Variants in CPT1B observed in about 807,000 individuals in gnomAD.
The protein encoded by CPT1B is carnitine palmitoyltransferase 1B.
Under a neutral mutation model 92.7 loss-of-function variants are expected in CPT1B, and 57 were observed. That is an observed-to-expected ratio of 0.62 (90% confidence interval 0.50 to 0.77). The LOEUF (loss-of-function observed/expected upper bound fraction) is 0.77, where lower values mean the gene tolerates loss of function less well. Ranked by LOEUF, CPT1B falls within the 30% of genes least tolerant of loss-of-function variation. The pLI, the probability that CPT1B is intolerant of heterozygous loss-of-function variation, is 0.00. For missense variants in CPT1B, 983 were observed against 1,017.4 expected (o/e 0.97, Z 0.46); for synonymous variants, 398 against 383.5 (o/e 1.04, Z -0.44).
At position 50,570,338 on chromosome 22, in the gene CPT1B, TG is replaced by T; in HGVS notation, c.2096del (p.Pro699GlnfsTer17). The T allele has an allele frequency of 6.2e-7, 1 of 1,607,968 alleles. No individual in the cohort carries two copies. ...IPQSQIRMFD[P>X]EQHPNHLGAG... ...CGCCCAGGTGATTGGGGTGCTGCTC[TG>T]GGTCGAACATGCGGATCTGGGATTG... On this transcript the variant is annotated frameshift_variant, in exon 17 of 20. Coordinates refer to ENST00000312108, the MANE Select transcript of CPT1B (RefSeq NM_152246.3). LOFTEE classifies it high-confidence loss of function.
Position 50,571,357 on chromosome 22 carries a change from G to A in CPT1B, c.1740+18C>T, listed in dbSNP as rs769961489. On this transcript the variant is annotated intron_variant, in intron 14 of 19. Coordinates refer to ENST00000312108, the MANE Select transcript of CPT1B (RefSeq NM_152246.3). ...GGTACCACCCTGCCCTCTCAGCAGC[G>A]GGAGGCGGGGCTCCTACCCGGAAGT... The A allele has an allele frequency of 7.4e-5, 119 of 1,613,672 alleles. No homozygotes were observed. The highest frequency in any genetic ancestry group is 1.6e-4 in the African/African-American group (12 of 74,944).
In CPT1B at chr22:50,574,533, A is replaced by G. The variant is rs1003036601; in HGVS notation, c.845T>C (p.Ile282Thr). Reference protein sequence around the residue: ...ARLGNIIHAMIMYRRKLDREE... With the variant: ...ARLGNIIHAMTMYRRKLDREE... The stretch of plus-strand genomic sequence containing the variant: ...ACGGTCCAGTTTACGGCGATACATG[A>G]TCATGGCGTGGATGATGTTTCCCAG... Residue 282 changes from isoleucine (I) to threonine (T), a missense_variant, in exon 8 of 20, where the codon ATC becomes ACC. Coordinates refer to ENST00000312108, the MANE Select transcript of CPT1B (RefSeq NM_152246.3). The G allele has an allele frequency of 6.2e-7, 1 of 1,614,110 alleles. No individual in the cohort carries two copies. Among genetic ancestry groups the G allele is most frequent in the South Asian group, 1.1e-5 (1 of 91,082 alleles).
chr22:50,574,559 G>A lies in CPT1B; in HGVS notation c.819C>T (p.Arg273=). Residue 273 remains arginine (R), a synonymous_variant, in exon 8 of 20, where the codon CGC becomes CGT. Transcript: ENST00000312108. ...TCATGGCGTGGATGATGTTTCCCAG[G>A]CGGGCTGCCTGCACGTCTGTATTCT... ...LIKNTDVQAA[R]LGNIIHAMIM... is the part of the protein sequence containing the mutation. 3.1e-6 allele frequency: 5 copies of A among 1,614,084 alleles called. No individual in the cohort carries two copies. In the South Asian group the frequency reaches 3.3e-5, roughly 11 times the overall value.
At position 50,572,734 on chromosome 22, in the gene CPT1B, C is replaced by T. The variant is rs915533360; in HGVS notation, c.1352+141G>A. On this transcript the variant is annotated intron_variant, in intron 11 of 19. Coordinates refer to ENST00000312108, the MANE Select transcript of CPT1B (RefSeq NM_152246.3). The stretch of plus-strand genomic sequence containing the variant: ...TCCTGCACTCAAGTGATCCACCTGC[C>T]TTGGCCCCCAAAGTGCTAGGATCAC... 4.5e-6 allele frequency: 4 copies of T among 897,556 alleles called. No homozygotes were observed. The African/African-American group carries it at 5.0e-5, about 11-fold the overall frequency. The allele number at this position is 897,556 out of a possible 1,614,324, so 55.6% of individuals were successfully genotyped here.
At position 50,572,002 on chromosome 22, in the gene CPT1B, C is replaced by T. The variant is rs747516863; in HGVS notation, c.1575+4G>A. 1 of 1,612,868 alleles carries T rather than the reference C, an allele frequency of 6.2e-7. No individual in the cohort carries two copies. The highest frequency in any genetic ancestry group is 1.1e-5 in the South Asian group (1 of 91,042). ...CACACCTGCTCTGGGAGCTTCCAACCCACCTGTTTTGGAATGTCCCACTGC... is the reference window on the plus strand; with the variant it reads ...CACACCTGCTCTGGGAGCTTCCAACTCACCTGTTTTGGAATGTCCCACTGC... On this transcript the variant is annotated splice_donor_region_variant and intron_variant, in intron 13 of 19. Transcript: ENST00000312108.
chr22:50,576,067 G>A lies in CPT1B; in HGVS notation c.745C>T (p.Pro249Ser), dbSNP rs1429655212. The part of the protein sequence containing the change: ...EEYIYLRGRS[P>S]LMVNSNYYVM... ...TAATAGTTGCTGTTCACCATGAGAG[G>A]GCTCCTGCCTCGAAGGTAGATGTAC... is the stretch of plus-strand genomic sequence containing the variant. The change falls in exon 7 of 20, where the codon CCT becomes TCT. Residue 249 changes from proline to serine, a missense_variant. Physicochemically the swap from Pro to Ser is moderately conservative, Grantham distance 74. Coordinates refer to ENST00000312108, the MANE Select transcript of CPT1B (RefSeq NM_152246.3). The A allele has an allele frequency of 6.2e-7, 1 of 1,614,128 alleles. No homozygotes were observed. Among genetic ancestry groups the A allele is most frequent in the Non-Finnish European group, 8.5e-7 (1 of 1,180,038 alleles).
Position 50,576,045 on chromosome 22 carries a change from T to C in CPT1B, c.767A>G (p.Tyr256Cys), listed in dbSNP as rs1283221677. The C allele has an allele frequency of 2.5e-6, 4 of 1,613,902 alleles. No individual in the cohort carries two copies. The highest frequency in any genetic ancestry group is 3.4e-6 in the Non-Finnish European group (4 of 1,179,968). Reference protein sequence around the residue: ...GRSPLMVNSNYYVMDLVLIKN... With the variant: ...GRSPLMVNSNCYVMDLVLIKN... ...GGCTCTAGTTCATACCATGACATAA[T>C]AGTTGCTGTTCACCATGAGAGGGCT... The change falls in exon 7 of 20, where the codon TAT becomes TGT. Residue 256 changes from tyrosine to cysteine, a missense_variant. By Grantham distance (194) the Tyr-to-Cys change is radical. Transcript: ENST00000312108.
intron 3 of CPT1B, 124 bp downstream of exon 3, chr22:50,577,200 G>T: frequency 2.8e-6 from 4 of 1,408,124 alleles, no homozygotes; most frequent in African/African-American, 2.8e-5. Flanking sequence ...TGTCATAGGG[G>T]AGGGCTGCCC....
Position 50,571,524 on chromosome 22 carries a change from CGAT to C in CPT1B, c.1588_1590del (p.Ile530del), listed in dbSNP as rs1364349041. ...GCCTTGGCCACCTGGTAGGAACTCT[CGAT>C]GACCGCCTGGCACTGCCAAGACATG... On this transcript the variant is annotated inframe_deletion, in exon 14 of 20. Coordinates refer to ENST00000312108, the MANE Select transcript of CPT1B (RefSeq NM_152246.3). The C allele has an allele frequency of 5.0e-6, 8 of 1,612,450 alleles. No individual in the cohort carries two copies. The highest frequency in any genetic ancestry group is 5.9e-6 in the Non-Finnish European group (7 of 1,179,904).
At chr22:50,574,634 T>A (rs1379600525) in intron 7 of CPT1B, 34 bp from the exon 8 acceptor site, 1 of 1,573,644 alleles carries the variant, frequency 6.4e-7, no homozygotes, top group Non-Finnish European at 8.7e-7. Context: ...GGTGGGGGCC[T>A]CTGTCTGGGT....
chr22:50,577,047 G>C lies in CPT1B; in HGVS notation c.282-13C>G, dbSNP rs1226919127. The C allele has an allele frequency of 3.1e-6, 5 of 1,613,188 alleles. No individual in the cohort carries two copies. In the Admixed American group the frequency reaches 8.3e-5, roughly 27 times the overall value. On this transcript the variant is annotated splice_polypyrimidine_tract_variant and intron_variant, in intron 3 of 19. Transcript: ENST00000312108. ...GTAGGGGCCACACCTATTGGAGAGG[G>C]GCAAGGGCTGCAGGGGGTCCTCTTG...
chr22:50,572,291 A>T lies in CPT1B; in HGVS notation c.1370T>A (p.Phe457Tyr). ...NCYNRWFDKS[F>Y]TLISFKNGQL... is the part of the protein sequence containing the mutation. Reference sequence around the variant, plus strand: ...GCCATTCTTGAAGGAAATGAGAGTGAAGGATTTGTCAAACCACCTGCAGGA... The same window carrying T: ...GCCATTCTTGAAGGAAATGAGAGTGTAGGATTTGTCAAACCACCTGCAGGA... Residue 457 changes from phenylalanine (F) to tyrosine (Y), a missense_variant, in exon 12 of 20, where the codon TTC becomes TAC. Transcript: ENST00000312108. 1 of 1,613,614 alleles carries T rather than the reference A, an allele frequency of 6.2e-7. No homozygotes were observed.
Position 50,573,701 on chromosome 22 carries a change from G to C in CPT1B, c.985C>G (p.Leu329Val). Reference sequence around the variant, plus strand: ...ACAGCCACGTGCCGGCTGTCTGAGAGGTGCTGTAGCACATCTGTGATACAG... The same window carrying C: ...ACAGCCACGTGCCGGCTGTCTGAGACGTGCTGTAGCACATCTGTGATACAG... Reference protein sequence around the residue: ...PGKDTDVLQHLSDSRHVAVYH... With the variant: ...PGKDTDVLQHVSDSRHVAVYH... Residue 329 changes from leucine to valine, a missense_variant, in exon 10 of 20, where the codon CTC becomes GTC. Leu to Val is a conservative substitution (Grantham distance 32). Transcript: ENST00000312108. The surrounding 1 kb of genome is among the most constrained non-coding windows in gnomAD (Gnocchi z 5.0). 1 of 1,612,504 alleles carries C rather than the reference G, an allele frequency of 6.2e-7. No individual in the cohort carries two copies. Among genetic ancestry groups the C allele is most frequent in the Non-Finnish European group, 8.5e-7 (1 of 1,179,710 alleles).
chr22:50,573,195 G>C lies in CPT1B; in HGVS notation c.1167-135C>G. ...GATGGGGGGTACCACGCTGGACCTG[G>C]AGATGTGGGGGTGCCAGGCTGGGCC... On this transcript the variant is annotated intron_variant, in intron 10 of 19. Transcript: ENST00000312108. The surrounding 1 kb of genome is among the most constrained non-coding windows in gnomAD (Gnocchi z 5.0). 1 of 750,340 alleles carries C rather than the reference G, an allele frequency of 1.3e-6. No homozygotes were observed. The highest frequency in any genetic ancestry group is 2.1e-6 in the Non-Finnish European group (1 of 470,196). The allele number at this position is 750,340 out of a possible 1,614,324, so 46.5% of individuals were successfully genotyped here.
Position 50,576,970 on chromosome 22 carries a change from C to T in CPT1B, c.346G>A (p.Val116Ile), listed in dbSNP as rs760981606. 1.2e-5 allele frequency: 19 copies of T among 1,613,978 alleles called. No homozygotes were observed. Among genetic ancestry groups the T allele is most frequent in the East Asian group, 6.7e-5 (3 of 44,898 alleles). The change falls in exon 4 of 20, where the codon GTC (valine) becomes ATC (isoleucine). Residue 116 changes from valine to isoleucine, a missense_variant. By Grantham distance (29) the Val-to-Ile change is conservative (BLOSUM62 3). Transcript: ENST00000312108. ...LLSMAIFSTG[V>I]WVTGIFFFRQ... ...AAGAAGAAGATGCCCGTCACCCAGA[C>T]GCCCGTGGAGAAGATGGCCATGCTG...
chr22:50,571,433 T>G lies in CPT1B; in HGVS notation c.1682A>C (p.Lys561Thr). The change falls in exon 14 of 20, where the codon AAG becomes ACG. Residue 561 changes from lysine (K) to threonine (T), a missense_variant. Lys to Thr is a moderately conservative substitution (Grantham distance 78, BLOSUM62 -1). Transcript: ENST00000312108. ...AAAGGCATCAGGGCTGGTCCGGCAC[T>G]TCTTGATGAGGCCTTTGCCAAAGGG... ...FLPFGKGLIK[K>T]CRTSPDAFVQ... 1 of 1,613,894 alleles carries G rather than the reference T, an allele frequency of 6.2e-7. No homozygotes were observed. Among genetic ancestry groups the G allele is most frequent in the Non-Finnish European group, 8.5e-7 (1 of 1,180,040 alleles).
intron 7 of CPT1B, among the ~76,000 whole-genome samples, chr22:50,575,215 G>A (rs1454057672): frequency 2.0e-5 from 3 of 152,026 alleles, no homozygotes; most frequent in East Asian, 1.9e-4. Flanking sequence ...GGGTTTCACC[G>A]TGTTAGGATG....
At chr22:50,577,062 G>A in intron 3 of CPT1B, 28 bp from the exon 4 acceptor site, 6 of 1,610,270 alleles carry the variant, frequency 3.7e-6, no homozygotes, top group Middle Eastern at 1.7e-4. Context: ...GGGCTGCAGG[G>A]GGTCCTCTTG....
Position 50,576,300 on chromosome 22 carries a change from C to T in CPT1B, c.597G>A (p.Glu199=). Residue 199 remains glutamate, a synonymous_variant, in exon 6 of 20, where the codon GAG becomes GAA. Transcript: ENST00000312108. ...LESVRPLLDD[E]EYYRMELLAK... ...CCAGCAACTCCATGCGGTAATATTCCTCATCATCCAACAAGGGGCGCACAG... is the reference window on the plus strand; with the variant it reads ...CCAGCAACTCCATGCGGTAATATTCTTCATCATCCAACAAGGGGCGCACAG... The T allele has an allele frequency of 6.2e-7, 1 of 1,614,064 alleles. No individual in the cohort carries two copies. Among genetic ancestry groups the T allele is most frequent in the Non-Finnish European group, 8.5e-7 (1 of 1,180,026 alleles).
Sources: allele counts gnomAD v4.1 joint callset (sites outside exome capture counted in the v4.1 genomes callset), GRCh38; gene constraint gnomAD v4.1.1; non-coding constraint Gnocchi (gnomAD v3.1); transcripts MANE v1.5; gene names NCBI Gene and HGNC (gene_info 2026-07-23, HGNC 2026-07-21).